Variants in WDR47 observed in about 807,000 individuals in gnomAD.
The protein encoded by WDR47 is WD repeat-containing protein 47.
A neutral mutation model predicts 97.2 loss-of-function variants in WDR47; 32 were observed. The observed-to-expected ratio is 0.33, with a 90% CI of 0.25 to 0.44. The LOEUF (loss-of-function observed/expected upper bound fraction) is 0.44. WDR47 is among the 20% of genes least tolerant of loss of function. WDR47 has a pLI of 1.00. For synonymous variants in WDR47, 375 were observed against 373.5 expected (o/e 1.00, Z -0.05); for missense variants, 782 against 1,102.3 (o/e 0.71, Z 4.11).
intron 8 of WDR47, chr1:108,992,961 G>A: frequency 1.4e-6 from 1 of 702,350 alleles, no homozygotes; most frequent in South Asian, 1.9e-5. Context: ...AACTTAAAAG[G>A]GCCCATGAAA....
At chr1:109,003,126 T>C (rs1660338026) in intron 6 of WDR47, among the ~76,000 whole-genome samples, 1 of 152,200 alleles carries the variant, frequency 6.6e-6, no homozygotes, top group African/African-American at 2.4e-5. Flanking sequence ...TATTCTGCTG[T>C]TGTTGAGTGG....
At chr1:109,020,944 T>G (rs1056960980) in intron 2 of WDR47, among the ~76,000 whole-genome samples, 6 of 149,216 alleles carry the variant, frequency 4.0e-5, no homozygotes, top group Non-Finnish European at 5.9e-5. Context: ...TGGAATACAA[T>G]GGTACGATCT....
intron 9 of WDR47, among the ~76,000 whole-genome samples, 192 bp downstream of exon 9, chr1:108,991,062 C>G (rs746884781): frequency 6.6e-6 from 1 of 151,588 alleles, no homozygotes; most frequent in Non-Finnish European, 1.5e-5. Flanking sequence ...GGTGCAACGG[C>G]TATCCACAGG....
intron 9 of WDR47, among the ~76,000 whole-genome samples, chr1:108,987,700 T>C (rs1344402398): frequency 1.3e-5 from 2 of 151,936 alleles, no homozygotes; most frequent in South Asian, 2.1e-4. Flanking sequence ...ACTCCTGACC[T>C]GAAGTGATCT....
At chr1:109,001,750 G>T (rs1463222008) in intron 7 of WDR47, among the ~76,000 whole-genome samples, 2 of 152,128 alleles carry the variant, frequency 1.3e-5, no homozygotes, top group Non-Finnish European at 2.9e-5. Context: ...AAATTAGCTG[G>T]GTGTGGTGGT....
At chr1:108,999,047 G>GA (rs1311430002) in intron 7 of WDR47, among the ~76,000 whole-genome samples, 1 of 152,070 alleles carries the variant, frequency 6.6e-6, no homozygotes, top group Non-Finnish European at 1.5e-5. Flanking sequence ...CCAACATGGT[G>GA]AAAGCCTGTC....
rs1395077027 is a variant in WDR47 at position 108,994,282 on chromosome 1, A to G, written c.1691+1298T>C. On this transcript the variant is annotated intron_variant, in intron 8 of 14. Transcript: ENST00000369962. ...CATGGTGGCACATGCCAGTAATCCCAGCTACTCAGGAGGCTGAGGCAGGAG... is the reference window on the plus strand; with the variant it reads ...CATGGTGGCACATGCCAGTAATCCCGGCTACTCAGGAGGCTGAGGCAGGAG... Among the ~76,000 whole-genome samples, 8 of 152,314 alleles carry G rather than the reference A, an allele frequency of 5.3e-5. No homozygotes were observed. In the East Asian group the frequency reaches 1.2e-3, roughly 22 times the overall value.
At chr1:109,002,009 C>G (rs958345789) in intron 7 of WDR47, among the ~76,000 whole-genome samples, 10 of 152,104 alleles carry the variant, frequency 6.6e-5, no homozygotes, top group Non-Finnish European at 1.2e-4. Flanking sequence ...TGCACTGAAC[C>G]TCTGCACTCT....
intron 7 of WDR47, among the ~76,000 whole-genome samples, chr1:108,999,423 G>T (rs1290684145): frequency 6.6e-6 from 1 of 151,624 alleles, no homozygotes; most frequent in African/African-American, 2.4e-5. Flanking sequence ...TAAATTCTAG[G>T]CCCAGAATGG....
At chr1:109,036,988 C>T (rs1008554394) in intron 1 of WDR47, among the ~76,000 whole-genome samples, 6 of 152,132 alleles carry the variant, frequency 3.9e-5, no homozygotes, top group Admixed American at 1.3e-4. Context: ...TTGTGAAATG[C>T]TGTTTTTGCA....
At chr1:109,016,124 T>C (rs1428510589) in intron 3 of WDR47, among the ~76,000 whole-genome samples, 2 of 152,052 alleles carry the variant, frequency 1.3e-5, no homozygotes, top group Non-Finnish European at 2.9e-5. Context: ...TGGTACTGAC[T>C]GAACAAAGTG....
intron 6 of WDR47, among the ~76,000 whole-genome samples, chr1:109,004,264 C>CAA (rs748279464): frequency 9.0e-6 from 1 of 111,022 alleles, no homozygotes; most frequent in Non-Finnish European, 1.9e-5. Flanking sequence ...GACTCCGTCT[C>CAA]AAAAAAAAAA....
At chr1:108,986,081 T>C (rs1658777904) in intron 10 of WDR47, among the ~76,000 whole-genome samples, 1 of 152,056 alleles carries the variant, frequency 6.6e-6, no homozygotes, top group Admixed American at 6.6e-5. Context: ...AAGAGTTATA[T>C]GTAAATTACA....
At chr1:109,012,860 G>C (rs1201060035) in intron 4 of WDR47, among the ~76,000 whole-genome samples, 1 of 152,134 alleles carries the variant, frequency 6.6e-6, no homozygotes, top group Non-Finnish European at 1.5e-5. Flanking sequence ...TCATGTTCCA[G>C]TGTTCTTTTC....
intron 2 of WDR47, among the ~76,000 whole-genome samples, chr1:109,018,174 C>T (rs1401186995): frequency 1.3e-5 from 2 of 151,948 alleles, no homozygotes; most frequent in African/African-American, 2.4e-5. Flanking sequence ...ACATGCCAGG[C>T]GTGGTGGCTC....
At chr1:108,992,673 G>A in intron 8 of WDR47, 1 of 1,507,318 alleles carries the variant, frequency 6.6e-7, no homozygotes, top group African/African-American at 1.4e-5. Flanking sequence ...CGGACCTACA[G>A]AGCTCATGGT....
In WDR47 at chr1:108,970,305, CTACA is replaced by C. The variant is rs1230710018; in HGVS notation, c.*1121_*1124del. The C allele has an allele frequency of 2.6e-5, 4 of 152,054 alleles. No homozygotes were observed. Among genetic ancestry groups the C allele is most frequent in the African/African-American group, 9.7e-5 (4 of 41,372 alleles). The allele number at this position is 152,054 out of a possible 1,614,324, so 9.4% of individuals were successfully genotyped here. ...GTATACAACAGATGAAAAATGCTTG[CTACA>C]TACAGTGCACAGACAGTTCAATAAT... is the stretch of plus-strand genomic sequence containing the variant. On this transcript the variant is annotated 3_prime_UTR_variant, in exon 15 of 15. Coordinates refer to ENST00000369962, the MANE Select transcript of WDR47 (RefSeq NM_001142551.2).
intron 1 of WDR47, 196 bp downstream of exon 1, chr1:109,041,666 G>C (rs942773681): frequency 2.0e-5 from 3 of 152,302 alleles, no homozygotes; most frequent in African/African-American, 7.2e-5. Flanking sequence ...CGCGATGCTG[G>C]GGCCTCACCC....
At chr1:109,023,671 C>T (rs767240539) in intron 1 of WDR47, 150 bp from the exon 2 acceptor site, 1 of 720,742 alleles carries the variant, frequency 1.4e-6, no homozygotes, top group Non-Finnish European at 2.1e-6. Flanking sequence ...AAAACCAAGT[C>T]GTTCTTTAAT....
Sources: allele counts gnomAD v4.1 joint callset (sites outside exome capture counted in the v4.1 genomes callset), GRCh38; gene constraint gnomAD v4.1.1; transcripts MANE v1.5; gene names NCBI Gene and HGNC (gene_info 2026-07-23, HGNC 2026-07-21).